CCDC170: variants seen among roughly 807,000 people sequenced by gnomAD.
CCDC170 encodes the protein coiled-coil domain-containing protein 170.
CCDC170 carries 69 observed loss-of-function variants against 72.6 expected under a neutral mutation model. The ratio of observed to expected loss-of-function variants is 0.95; its 90% CI spans 0.78 to 1.16. CCDC170 has a LOEUF of 1.16. CCDC170 is among the 50% of genes most tolerant of loss of function. The pLI is 0.00. For missense variants in CCDC170, 852 were observed against 832.5 expected (o/e 1.02, Z -0.29); for synonymous variants, 300 against 303.9 (o/e 0.99, Z 0.13).
At chr6:151,595,332 G>T (rs1330719043) in intron 8 of CCDC170, among the ~76,000 whole-genome samples, 1 of 151,944 alleles carries the variant, frequency 6.6e-6, no homozygotes, top group Admixed American at 6.6e-5. Flanking sequence ...TTTTAGGTTT[G>T]GTTACCAATG....
chr6:151,546,033 C>T (rs1562277814), intron 4 of CCDC170, among the ~76,000 whole-genome samples: 1 of 152,124 alleles, frequency 6.6e-6, no homozygotes, highest in Non-Finnish European at 1.5e-5. Flanking sequence ...CCACCTTGGC[C>T]TTCCAAAGTG....
At chr6:151,590,037 TCTC>T (rs1776511098) in intron 7 of CCDC170, among the ~76,000 whole-genome samples, 1 of 152,194 alleles carries the variant, frequency 6.6e-6, no homozygotes, top group East Asian at 1.9e-4. Context: ...GAGAGAATGT[TCTC>T]CTTACCTCCT....
At chr6:151,525,989 C>T (rs1349966191) in intron 1 of CCDC170, among the ~76,000 whole-genome samples, 1 of 152,072 alleles carries the variant, frequency 6.6e-6, no homozygotes, top group Non-Finnish European at 1.5e-5. Flanking sequence ...TTACATATCC[C>T]TCCATTAAGC....
chr6:151,588,991 T>G (rs6557155), intron 7 of CCDC170, among the ~76,000 whole-genome samples: 70,440 of 151,200 alleles, frequency 0.47, 18,524 homozygotes, highest in Non-Finnish European at 0.6. Flanking sequence ...TGGTGGCTCA[T>G]GCCTATAATC....
intron 5 of CCDC170, among the ~76,000 whole-genome samples, chr6:151,558,015 G>T (rs774790062): frequency 3.1e-5 from 1 of 32,000 alleles, no homozygotes; most frequent in South Asian, 8.5e-4. Flanking sequence ...CAGGAGAATC[G>T]CTTGAGCTTG....
At chr6:151,522,027 G>A (rs1178008617) in intron 1 of CCDC170, among the ~76,000 whole-genome samples, 1 of 150,800 alleles carries the variant, frequency 6.6e-6, no homozygotes, top group East Asian at 2.0e-4. Flanking sequence ...GGGCATGTTG[G>A]CATGTGCCTG....
At chr6:151,556,555 G>A (rs9322325) in intron 5 of CCDC170, among the ~76,000 whole-genome samples, 122,458 of 152,224 alleles carry the variant, frequency 0.8, 50,733 homozygotes, top group East Asian at 0.99. Flanking sequence ...AAGACTTTCT[G>A]CTATGAAATA....
chr6:151,528,078 C>T (rs909174372), intron 1 of CCDC170, among the ~76,000 whole-genome samples: 4 of 152,066 alleles, frequency 2.6e-5, no homozygotes, highest in Non-Finnish European at 5.9e-5. Context: ...TGAGCCACCC[C>T]GTGAGACAAT....
intron 5 of CCDC170, among the ~76,000 whole-genome samples, chr6:151,568,190 A>G (rs1042106849): frequency 1.3e-4 from 19 of 151,282 alleles, no homozygotes; most frequent in African/African-American, 3.6e-4. Flanking sequence ...AATTGCTAAT[A>G]TCTTACCCTC....
chr6:151,560,944 A>G (rs1286790209), intron 5 of CCDC170, among the ~76,000 whole-genome samples: 5 of 152,098 alleles, frequency 3.3e-5, no homozygotes, highest in South Asian at 2.1e-4. Context: ...TGGAGCATTT[A>G]GGCCATTTAT....
At chr6:151,558,242 T>TG (rs1305146382) in intron 5 of CCDC170, among the ~76,000 whole-genome samples, 1 of 149,482 alleles carries the variant, frequency 6.7e-6, no homozygotes, top group Non-Finnish European at 1.5e-5. Flanking sequence ...GTTTTTTTTT[T>TG]TTTTTTTTTT....
chr6:151,606,280 T>A (rs543393439), intron 9 of CCDC170, among the ~76,000 whole-genome samples: 4 of 152,264 alleles, frequency 2.6e-5, no homozygotes, highest in Admixed American at 6.5e-5. Flanking sequence ...CTCTTAGTAC[T>A]GCTTTTGCTG....
intron 1 of CCDC170, among the ~76,000 whole-genome samples, chr6:151,535,919 A>C (rs978364950): frequency 3.9e-5 from 6 of 152,102 alleles, no homozygotes; most frequent in African/African-American, 1.4e-4. Context: ...AAATTAAAAA[A>C]AATTTTTTTT....
chr6:151,564,650 A>C (rs1011010315), intron 5 of CCDC170, among the ~76,000 whole-genome samples: 3 of 152,160 alleles, frequency 2.0e-5, no homozygotes, highest in African/African-American at 7.2e-5. Context: ...TTGTGTGTGC[A>C]GGTGGGTGCC....
chr6:151,538,002 G>A (rs1355666714), intron 2 of CCDC170, 43 bp from the exon 3 acceptor site: 9 of 1,520,046 alleles, frequency 5.9e-6, no homozygotes, highest in Non-Finnish European at 8.0e-6. Flanking sequence ...TCAAACTTAT[G>A]TTGTTAAGGT....
At chr6:151,525,010 G>A (rs948301054) in intron 1 of CCDC170, among the ~76,000 whole-genome samples, 1 of 137,978 alleles carries the variant, frequency 7.2e-6, no homozygotes, top group Admixed American at 8.2e-5. Context: ...TCGGCTCACT[G>A]CAAACTCCGC....
intron 9 of CCDC170, among the ~76,000 whole-genome samples, chr6:151,606,564 C>A (rs563433453): frequency 1.3e-5 from 2 of 152,248 alleles, no homozygotes; most frequent in East Asian, 3.9e-4. Context: ...GAGAATATTC[C>A]ATGTGCTGAT....
At chr6:151,580,641 C>T (rs1407050096) in intron 6 of CCDC170, among the ~76,000 whole-genome samples, 1 of 152,082 alleles carries the variant, frequency 6.6e-6, no homozygotes, top group African/African-American at 2.4e-5. Flanking sequence ...GGATGTGGCT[C>T]TGAATAGCTT....
intron 1 of CCDC170, among the ~76,000 whole-genome samples, chr6:151,499,343 G>T (rs1415392973): frequency 7.8e-6 from 1 of 127,430 alleles, no homozygotes; most frequent in Non-Finnish European, 1.6e-5. Context: ...AGTGGAATCA[G>T]ACTGTATTTG....
Sources: allele counts gnomAD v4.1 joint callset (sites outside exome capture counted in the v4.1 genomes callset), GRCh38; gene constraint gnomAD v4.1.1; transcripts MANE v1.5; gene names NCBI Gene and HGNC (gene_info 2026-07-23, HGNC 2026-07-21).